Variants in DLGAP2 observed in about 807,000 individuals in gnomAD.
DLGAP2 encodes disks large-associated protein 2.
DLGAP2 carries 26 observed loss-of-function variants against 100.3 expected under a neutral mutation model. The observed-to-expected ratio is 0.26, with a 90% CI of 0.19 to 0.36. The LOEUF (loss-of-function observed/expected upper bound fraction) is 0.36. Among genes scored for constraint, DLGAP2 ranks in the 10% least tolerant of loss-of-function variants. DLGAP2 has a pLI of 1.00. For missense variants in DLGAP2, 1,858 were observed against 1,453.2 expected, an observed-to-expected ratio of 1.28 and a Z score of -4.53; for synonymous variants, 886 against 630.1, an observed-to-expected ratio of 1.41 and a Z score of -6.08.
chr8:1,573,822 C>T (rs1314006655), intron 6 of DLGAP2, among the ~76,000 whole-genome samples: 1 of 152,094 alleles, frequency 6.6e-6, no homozygotes, highest in Non-Finnish European at 1.5e-5. Flanking sequence ...TGAGGCACCC[C>T]GACAGCCGGC....
chr8:1,160,043 G>T (rs1210064476), intron 2 of DLGAP2, among the ~76,000 whole-genome samples: 1 of 152,184 alleles, frequency 6.6e-6, no homozygotes, highest in African/African-American at 2.4e-5. Context: ...GACCGTCGTC[G>T]TAAACTGAGC....
intron 3 of DLGAP2, among the ~76,000 whole-genome samples, chr8:1,475,811 G>C (rs1449503456): frequency 6.6e-6 from 1 of 152,090 alleles, no homozygotes; most frequent in African/African-American, 2.4e-5. Context: ...TGATTTATAG[G>C]AGATCATTAC....
intron 2 of DLGAP2, among the ~76,000 whole-genome samples, chr8:1,053,687 C>G (rs1215702060): frequency 6.6e-6 from 1 of 152,194 alleles, no homozygotes; most frequent in Non-Finnish European, 1.5e-5. Flanking sequence ...CCCAGTCTTT[C>G]TGCCTGACAT....
At chr8:999,303 G>C (rs867150474) in intron 2 of DLGAP2, among the ~76,000 whole-genome samples, 12 of 151,420 alleles carry the variant, frequency 7.9e-5, no homozygotes, top group African/African-American at 2.9e-4. Context: ...GACCCTTCCT[G>C]TGTATTCCCC....
chr8:874,803 A>G (rs1299562359), intron 1 of DLGAP2, among the ~76,000 whole-genome samples: 1 of 152,096 alleles, frequency 6.6e-6, no homozygotes, highest in Non-Finnish European at 1.5e-5. Context: ...CATCATTAAG[A>G]GTGTGGTATT....
intron 2 of DLGAP2, among the ~76,000 whole-genome samples, chr8:987,997 G>T (rs575123852): frequency 1.2e-4 from 18 of 152,244 alleles, no homozygotes; most frequent in African/African-American, 4.1e-4. Context: ...TCTGGTTCTC[G>T]ATGTAGCTTC....
intron 3 of DLGAP2, among the ~76,000 whole-genome samples, chr8:1,298,217 A>G (rs1299988359): frequency 6.6e-6 from 1 of 152,140 alleles, no homozygotes; most frequent in Non-Finnish European, 1.5e-5. Flanking sequence ...GATAGGGAGG[A>G]TTCAGGATGT....
At chr8:1,619,148 A>T (rs1797249738) in intron 6 of DLGAP2, among the ~76,000 whole-genome samples, 1 of 152,236 alleles carries the variant, frequency 6.6e-6, no homozygotes, top group African/African-American at 2.4e-5. Context: ...CCTACAAAAC[A>T]AGAACGTAAA....
intron 2 of DLGAP2, among the ~76,000 whole-genome samples, chr8:973,930 G>A (rs1233430324): frequency 6.6e-6 from 1 of 151,234 alleles, no homozygotes; most frequent in Non-Finnish European, 1.5e-5. Flanking sequence ...CCCGGCTGGA[G>A]AGCGCTGGGC....
chr8:1,451,765 C>G (rs879675692), intron 3 of DLGAP2, among the ~76,000 whole-genome samples: 33 of 152,208 alleles, frequency 2.2e-4, no homozygotes, highest in Admixed American at 2.0e-3. Flanking sequence ...AGTAACGACT[C>G]CCACATCTTC....
intron 1 of DLGAP2, among the ~76,000 whole-genome samples, chr8:890,012 C>T (rs1798001965): frequency 6.6e-6 from 1 of 152,066 alleles, no homozygotes; most frequent in Non-Finnish European, 1.5e-5. Flanking sequence ...ACTCCCCTTC[C>T]CCGTGTGTTT....
intron 3 of DLGAP2, among the ~76,000 whole-genome samples, chr8:1,492,329 C>G (rs779734907): frequency 1.8e-4 from 28 of 152,188 alleles, no homozygotes; most frequent in Non-Finnish European, 3.4e-4. Flanking sequence ...AAATGAATCC[C>G]TAATTTAAAC....
intron 2 of DLGAP2, among the ~76,000 whole-genome samples, chr8:1,005,052 C>T (rs1262716939): frequency 6.6e-6 from 1 of 152,174 alleles, no homozygotes; most frequent in East Asian, 1.9e-4. Flanking sequence ...GAAGAGCACA[C>T]AGAAACTCTG....
chr8:1,221,688 A>G (rs1478395997), intron 2 of DLGAP2, among the ~76,000 whole-genome samples: 1 of 151,870 alleles, frequency 6.6e-6, no homozygotes, highest in Non-Finnish European at 1.5e-5. Context: ...TCTCAAATAT[A>G]TTTTCCGAGT....
chr8:1,565,484 C>A (rs1205894899), intron 5 of DLGAP2, 199 bp from the exon 6 acceptor site: 11 of 549,302 alleles, frequency 2.0e-5, no homozygotes, highest in Admixed American at 3.6e-5. Flanking sequence ...TTACCTATCA[C>A]TTATAATGAA....
At chr8:799,552 TCTGCAAAAATG>T (rs540829212) in intron 1 of DLGAP2, among the ~76,000 whole-genome samples, 469 of 152,326 alleles carry the variant, frequency 3.1e-3, no homozygotes, top group Non-Finnish European at 5.1e-3. Context: ...CAATGCATAT[TCTGCAAAAATG>T]CATTTTGCAA....
chr8:1,364,022 A>G (rs1172145992), intron 3 of DLGAP2, among the ~76,000 whole-genome samples: 1 of 151,938 alleles, frequency 6.6e-6, no homozygotes, highest in Non-Finnish European at 1.5e-5. Flanking sequence ...GGTACCCCTC[A>G]CTGATCCTCA....
chr8:979,128 T>G (rs1800257339), intron 2 of DLGAP2, among the ~76,000 whole-genome samples: 1 of 152,208 alleles, frequency 6.6e-6, no homozygotes. Context: ...GTGCAGTTCT[T>G]GAATCCAGGT....
At chr8:1,467,356 C>T (rs1351813915) in intron 3 of DLGAP2, among the ~76,000 whole-genome samples, 2 of 151,928 alleles carry the variant, frequency 1.3e-5, no homozygotes, top group South Asian at 2.1e-4. Context: ...CTGTACTTCC[C>T]ATTCACGGCC....
Sources: gnomAD v4.1 joint callset for allele counts (sites outside exome capture counted in the v4.1 genomes callset) on GRCh38, gnomAD v4.1.1 for gene constraint, MANE v1.5 for transcripts, NCBI Gene and HGNC (gene_info 2026-07-23, HGNC 2026-07-21) for gene names.